Variants in SEC31A observed in about 807,000 individuals in gnomAD.
SEC31A encodes SEC31 homolog A, COPII component.
A neutral mutation model predicts 151.0 loss-of-function variants in SEC31A; 70 were observed. That is an observed-to-expected ratio of 0.46 (90% CI 0.38 to 0.57). SEC31A has a LOEUF of 0.57. Among genes scored for constraint, SEC31A ranks in the 20% least tolerant of loss-of-function variants. SEC31A has a pLI of 0.00. For synonymous variants in SEC31A, 475 were observed against 505.9 expected (o/e 0.94, Z 0.82); for missense variants, 1,330 against 1,471.2 (o/e 0.90, Z 1.57).
intron 1 of SEC31A, among the ~76,000 whole-genome samples, chr4:82,882,648 G>A (rs1223171132): frequency 1.3e-5 from 2 of 152,146 alleles, no homozygotes; most frequent in Non-Finnish European, 2.9e-5. Flanking sequence ...CAACTTCCTG[G>A]AGTAGGATTA....
chr4:82,827,700 T>C (rs1724918128), intron 23 of SEC31A, 68 bp from the exon 24 acceptor site: 1 of 1,529,480 alleles, frequency 6.5e-7, no homozygotes. Flanking sequence ...TTCTTCAGCT[T>C]AAAATAAGGG....
intron 23 of SEC31A, among the ~76,000 whole-genome samples, chr4:82,828,673 CAA>C (rs397994259): frequency 2.3e-5 from 1 of 44,116 alleles, no homozygotes; most frequent in Non-Finnish European, 3.8e-5. Flanking sequence ...CAAAGTAACT[CAA>C]AAAAAAAAAA....
At chr4:82,888,736 C>G (rs1741554065) in intron 1 of SEC31A, among the ~76,000 whole-genome samples, 1 of 151,792 alleles carries the variant, frequency 6.6e-6, no homozygotes, top group Non-Finnish European at 1.5e-5. Context: ...AATTTATATT[C>G]TAGACTAGAA....
At chr4:82,893,386 T>A (rs1399816024), upstream of SEC31A, 1 of 152,236 alleles carries the variant, frequency 6.6e-6, no homozygotes, top group African/African-American at 2.4e-5. Flanking sequence ...TTTTGGGAAT[T>A]CAGATCCCTT....
At chr4:82,819,302 C>T (rs777978776) in intron 26 of SEC31A, 49 bp from the exon 27 acceptor site, 38 of 1,359,434 alleles carry the variant, frequency 2.8e-5, no homozygotes, top group Non-Finnish European at 3.7e-5. Flanking sequence ...GGGATAACTT[C>T]CCATGAGATC....
intron 1 of SEC31A, among the ~76,000 whole-genome samples, chr4:82,882,969 A>G (rs1042089969): frequency 6.6e-6 from 1 of 152,052 alleles, no homozygotes; most frequent in Non-Finnish European, 1.5e-5. Flanking sequence ...AATACAAGAA[A>G]ATTAGCCAGG....
chr4:82,893,314 C>A (rs1719926861), upstream of SEC31A: 2 of 152,266 alleles, frequency 1.3e-5, no homozygotes, highest in Non-Finnish European at 2.9e-5. Context: ...AGGGATCCTT[C>A]TGCTTTAGCC....
chr4:82,883,828 C>CA (rs941226879), intron 1 of SEC31A, among the ~76,000 whole-genome samples: 1,409 of 124,072 alleles, frequency 0.011, 22 homozygotes, highest in African/African-American at 0.037. Context: ...GACCATGACT[C>CA]AAAAAAAAAA....
At chr4:82,890,445 C>T (rs1257779849) in intron 1 of SEC31A, among the ~76,000 whole-genome samples, 1 of 152,116 alleles carries the variant, frequency 6.6e-6, no homozygotes, top group Non-Finnish European at 1.5e-5. Context: ...AAATTAATTC[C>T]TTAAGCGCAA....
chr4:82,849,302 A>C (rs1431087078), intron 19 of SEC31A, among the ~76,000 whole-genome samples: 1 of 152,158 alleles, frequency 6.6e-6, no homozygotes, highest in East Asian at 1.9e-4. Context: ...ATGCTCATAA[A>C]TTACAAAACT....
At chr4:82,858,757 C>A (rs1397992859) in intron 14 of SEC31A, among the ~76,000 whole-genome samples, 1 of 151,036 alleles carries the variant, frequency 6.6e-6, no homozygotes, top group South Asian at 2.1e-4. Context: ...GGCTGGAGTG[C>A]AGTGGCGCAC....
At position 82,845,105 on chromosome 4, in the gene SEC31A, G is replaced by C. The variant is rs560430713; in HGVS notation, c.2503-596C>G. 23 of 775,546 alleles carry C rather than the reference G, an allele frequency of 3.0e-5. No individual in the cohort carries two copies. In the African/African-American group the frequency reaches 3.7e-4, roughly 13 times the overall value. The allele number at this position is 775,546 out of a possible 1,614,324, so 48.0% of individuals were successfully genotyped here. A position where few individuals can be genotyped will look rare whatever the true frequency, so the allele number is the denominator to read the frequency against. On this transcript the variant is annotated intron_variant, in intron 20 of 26. Transcript: ENST00000395310. ...ATGAGCAGGCAGATGGATGGGGAGT[G>C]GGGGTGAAAGAGCTTGAGGAAGGTA... is the stretch of plus-strand genomic sequence containing the variant.
At chr4:82,868,836 C>A (rs1298379611) in intron 8 of SEC31A, among the ~76,000 whole-genome samples, 1 of 152,042 alleles carries the variant, frequency 6.6e-6, no homozygotes, top group South Asian at 2.1e-4. Context: ...GCTAGGACTA[C>A]AGAACACGCC....
intron 1 of SEC31A, among the ~76,000 whole-genome samples, chr4:82,890,071 T>C (rs1356901739): frequency 6.6e-6 from 1 of 151,746 alleles, no homozygotes. Flanking sequence ...CTACTAAAAA[T>C]ACAAAAATTA....
intron 25 of SEC31A, among the ~76,000 whole-genome samples, chr4:82,823,397 C>A (rs1248718032): frequency 6.6e-6 from 1 of 152,176 alleles, no homozygotes; most frequent in African/African-American, 2.4e-5. Context: ...CCTTGGTCTT[C>A]CCATCACTCC....
intron 1 of SEC31A, among the ~76,000 whole-genome samples, chr4:82,883,319 C>T (rs191926252): frequency 6.6e-6 from 1 of 152,274 alleles, no homozygotes; most frequent in East Asian, 1.9e-4. Flanking sequence ...AATAAATGGT[C>T]ATCTGCACGT....
At chr4:82,878,594 T>C in intron 4 of SEC31A, 136 bp downstream of exon 4, 1 of 667,484 alleles carries the variant, frequency 1.5e-6, no homozygotes, top group Non-Finnish European at 2.6e-6. Flanking sequence ...CCACCATTCT[T>C]TAAACAAACA....
Position 82,842,345 on chromosome 4 carries a change from C to T in SEC31A, c.2763G>A (p.Gly921=), listed in dbSNP as rs1207902641. The T allele has an allele frequency of 6.2e-7, 1 of 1,613,380 alleles. No individual in the cohort carries two copies. Among genetic ancestry groups the T allele is most frequent in the African/African-American group, 1.3e-5 (1 of 74,854 alleles). ...GCTGTGCTGCGTACAGCTGAGACTG[C>T]CCAGTATAGGAAGAAGCAGAAGATA... The part of the protein sequence containing the change: ...PYISSASSYT[G]QSQLYAAQHQ... The change falls in exon 22 of 27, where the codon GGG becomes GGA. Residue 921 remains glycine, a synonymous_variant. Coordinates refer to ENST00000395310, the MANE Select transcript of SEC31A (RefSeq NM_001077207.4).
chr4:82,875,574 T>C (rs1737730241), intron 5 of SEC31A, among the ~76,000 whole-genome samples, 153 bp downstream of exon 5: 1 of 152,208 alleles, frequency 6.6e-6, no homozygotes, highest in Non-Finnish European at 1.5e-5. Flanking sequence ...AAGAAACATA[T>C]TTATTAATTA....
Sources: gnomAD v4.1 joint callset for allele counts (sites outside exome capture counted in the v4.1 genomes callset) on GRCh38, gnomAD v4.1.1 for gene constraint, MANE v1.5 for transcripts, NCBI Gene and HGNC (gene_info 2026-07-23, HGNC 2026-07-21) for gene names.